AHI1: variants seen among roughly 807,000 people sequenced by gnomAD.
AHI1 encodes the protein Abelson helper integration site 1.
A neutral mutation model predicts 149.3 loss-of-function variants in AHI1; 123 were observed. The observed-to-expected ratio is 0.82, with a 90% CI of 0.71 to 0.96. AHI1 has a LOEUF of 0.96. Among genes scored for constraint, AHI1 ranks in the 40% least tolerant of loss-of-function variants. The pLI is 0.00. For synonymous variants in AHI1, 475 were observed against 459.8 expected, an observed-to-expected ratio of 1.03 and a Z score of -0.42; for missense variants, 1,439 against 1,422.7, an observed-to-expected ratio of 1.01 and a Z score of -0.18.
intron 26 of AHI1, chr6:135,302,034 C>T: frequency 2.1e-6 from 2 of 975,466 alleles, no homozygotes; most frequent in South Asian, 4.7e-5. Flanking sequence ...CTTTGTTGCT[C>T]AGGCTGGAGT....
At chr6:135,300,894 T>G in intron 26 of AHI1, 1 of 1,015,176 alleles carries the variant, frequency 9.9e-7, no homozygotes, top group Non-Finnish European at 1.2e-6. Context: ...ACTTAAGCTC[T>G]AAATATATCT....
At chr6:135,336,106 T>A (rs1582657556) in intron 24 of AHI1, among the ~76,000 whole-genome samples, 4 of 105,046 alleles carry the variant, frequency 3.8e-5, no homozygotes, top group Admixed American at 3.6e-4. Context: ...AGAGCGAAAC[T>A]CCGTCTAAAA....
intron 28 of AHI1, 61 bp downstream of exon 28, chr6:135,290,362 G>T: frequency 1.0e-6 from 1 of 1,004,296 alleles, no homozygotes; most frequent in Non-Finnish European, 1.6e-6. Context: ...TGCTGACCAT[G>T]CTTTCCTAAA....
chr6:135,314,011 T>A (rs111945397), intron 26 of AHI1, among the ~76,000 whole-genome samples: 1 of 152,368 alleles, frequency 6.6e-6, no homozygotes, highest in African/African-American at 2.4e-5. Flanking sequence ...TATTGTTAGC[T>A]GTCACAGCAA....
At chr6:135,364,390 C>T (rs532440895) in intron 23 of AHI1, among the ~76,000 whole-genome samples, 1,661 of 149,756 alleles carry the variant, frequency 0.011, 22 homozygotes, top group African/African-American at 0.039. Flanking sequence ...CGGGCAGAGA[C>T]GCTCCTCACT....
At chr6:135,289,579 A>G (rs1244935762) in intron 28 of AHI1, among the ~76,000 whole-genome samples, 1 of 152,094 alleles carries the variant, frequency 6.6e-6, no homozygotes, top group African/African-American at 2.4e-5. Flanking sequence ...TAAAAATTCT[A>G]TGACTTTTTT....
intron 27 of AHI1, among the ~76,000 whole-genome samples, chr6:135,291,569 T>C (rs1782358561): frequency 6.6e-6 from 1 of 152,176 alleles, no homozygotes; most frequent in Non-Finnish European, 1.5e-5. Flanking sequence ...CACCTTGATC[T>C]TGGGACTTCT....
intron 19 of AHI1, 144 bp downstream of exon 19, chr6:135,428,485 A>C (rs1053027670): frequency 3.0e-6 from 3 of 1,004,402 alleles, no homozygotes; most frequent in Middle Eastern, 2.2e-4. Flanking sequence ...AGTTCCTTTA[A>C]AGGCTTTCTA....
At chr6:135,309,773 C>T (rs373799268) in intron 26 of AHI1, among the ~76,000 whole-genome samples, 3 of 152,228 alleles carry the variant, frequency 2.0e-5, no homozygotes, top group African/African-American at 4.8e-5. Flanking sequence ...TGAGCCACCG[C>T]GCCCGCCCGC....
chr6:135,392,694 T>C (rs1253818472), intron 23 of AHI1, among the ~76,000 whole-genome samples: 3 of 152,214 alleles, frequency 2.0e-5, no homozygotes, highest in Admixed American at 1.3e-4. Context: ...TTTATCCACT[T>C]TACAAACTGA....
At chr6:135,476,497 C>T (rs1792669230) in intron 5 of AHI1, among the ~76,000 whole-genome samples, 1 of 151,770 alleles carries the variant, frequency 6.6e-6, no homozygotes, top group South Asian at 2.1e-4. Flanking sequence ...AAACTCAACT[C>T]AAATTTGTCA....
chr6:135,331,709 G>C (rs905963455), intron 24 of AHI1, among the ~76,000 whole-genome samples: 1 of 152,146 alleles, frequency 6.6e-6, no homozygotes, highest in Non-Finnish European at 1.5e-5. Context: ...GACAAGCTAA[G>C]CACTGAATAA....
intron 27 of AHI1, among the ~76,000 whole-genome samples, chr6:135,295,109 A>G (rs895799562): frequency 3.3e-5 from 5 of 152,250 alleles, no homozygotes; most frequent in East Asian, 1.9e-4. Context: ...AATGAGCAAA[A>G]GATTTGAACA....
At chr6:135,439,554 G>A (rs932585488) in intron 14 of AHI1, among the ~76,000 whole-genome samples, 5 of 152,050 alleles carry the variant, frequency 3.3e-5, no homozygotes, top group African/African-American at 1.2e-4. Flanking sequence ...GAAAGTTCTT[G>A]ATTTAAAAAG....
Position 135,465,886 on chromosome 6 carries a change from T to C in AHI1, c.677A>G (p.His226Arg). 1.9e-6 allele frequency: 3 copies of C among 1,551,652 alleles called. No homozygotes were observed. In the South Asian group the frequency reaches 3.8e-5, roughly 20 times the overall value. ...LTYFPSDTLF[H>R]DDKLSSEKRK... The stretch of plus-strand genomic sequence containing the variant: ...TTTTTCACTGCTTAGTTTGTCATCA[T>C]GGAATAAAGTATCTGAGGGAAAGTA... The change falls in exon 7 of 29, where the codon CAT becomes CGT. Residue 226 changes from histidine to arginine, a missense_variant. Transcript: ENST00000265602.
At chr6:135,411,572 A>T in intron 20 of AHI1, 28 bp from the exon 21 acceptor site, 1 of 1,519,048 alleles carries the variant, frequency 6.6e-7, no homozygotes. Context: ...TAATTAGTTA[A>T]ATCATCATAG....
At chr6:135,478,560 C>T (rs930580085) in intron 5 of AHI1, among the ~76,000 whole-genome samples, 5 of 152,026 alleles carry the variant, frequency 3.3e-5, no homozygotes, top group South Asian at 4.1e-4. Context: ...TGCTCATTTG[C>T]ATAAAGAAAG....
At position 135,319,293 on chromosome 6, in the gene AHI1, T is replaced by C. The variant is rs187248613; in HGVS notation, c.3329-677A>G. ...GAGTTTGAGACCAGCCTGGCCAACATGGTGAAACCCCATCCCTACCCAAAA... is the reference window on the plus strand; with the variant it reads ...GAGTTTGAGACCAGCCTGGCCAACACGGTGAAACCCCATCCCTACCCAAAA... On this transcript the variant is annotated intron_variant, in intron 25 of 28. Transcript: ENST00000265602. 3.1e-4 allele frequency among the ~76,000 whole-genome samples: 47 copies of C among 152,260 alleles called. No individual in the cohort carries two copies. In the East Asian group the frequency reaches 8.3e-3, roughly 27 times the overall value.
Position 135,489,280 on chromosome 6 carries a change from C to T in AHI1, c.135+1343G>A, listed in dbSNP as rs112129323. ...GGATAAATTATGCTTAGTCACCTCA[C>T]ACTTATGTGCCCCTCAACATTTAAA... On this transcript the variant is annotated intron_variant, in intron 5 of 28. Coordinates refer to ENST00000265602, the MANE Select transcript of AHI1 (RefSeq NM_001134831.2). 2.2e-3 allele frequency among the ~76,000 whole-genome samples: 328 copies of T among 152,292 alleles called. 2 individuals carry two copies. Among genetic ancestry groups the T allele is most frequent in the African/African-American group, 7.4e-3 (309 of 41,554 alleles).
Sources: gnomAD v4.1 joint callset for allele counts (sites outside exome capture counted in the v4.1 genomes callset) on GRCh38, gnomAD v4.1.1 for gene constraint, MANE v1.5 for transcripts, NCBI Gene and HGNC (gene_info 2026-07-23, HGNC 2026-07-21) for gene names.